Variants in CSNK1G2 observed in about 807,000 individuals in gnomAD.
CSNK1G2 encodes the protein casein kinase I isoform gamma-2.
A neutral mutation model predicts 48.0 loss-of-function variants in CSNK1G2; 11 were observed. The ratio of observed to expected loss-of-function variants is 0.23; its 90% confidence interval spans 0.14 to 0.38. The LOEUF is 0.38. CSNK1G2 is among the 10% of genes least tolerant of loss of function. The pLI, the probability that CSNK1G2 is intolerant of heterozygous loss-of-function variation, is 1.00. For synonymous variants in CSNK1G2, 337 were observed against 254.1 expected (o/e 1.33, Z -3.10); for missense variants, 446 against 595.5 (o/e 0.75, Z 2.61).
chr19:1,981,304 C>T lies in CSNK1G2; in HGVS notation c.*1101C>T, dbSNP rs1258632618. On this transcript the variant is annotated 3_prime_UTR_variant, in exon 12 of 12. Coordinates refer to ENST00000255641, the MANE Select transcript of CSNK1G2 (RefSeq NM_001319.7). ...CCCTTGAAGCCATAGAATTTAGGGG[C>T]TTTTTTAAAAAAATAAAAGAAAAAT... is the stretch of plus-strand genomic sequence containing the variant. The T allele has an allele frequency of 1.3e-5, 2 of 152,106 alleles. No homozygotes were observed. The highest frequency in any genetic ancestry group is 1.9e-4 in the East Asian group (1 of 5,196). 9.4% of individuals were successfully genotyped at this position (152,106 alleles called of 1,614,324 possible).
At chr19:1,955,670 C>A (rs935138454) in intron 1 of CSNK1G2, among the ~76,000 whole-genome samples, 1 of 152,164 alleles carries the variant, frequency 6.6e-6, no homozygotes, top group East Asian at 1.9e-4. Context: ...GAGGGGCTGT[C>A]GTGAGATGCT....
At chr19:1,959,839 C>T (rs35334382) in intron 1 of CSNK1G2, among the ~76,000 whole-genome samples, 13 of 146,468 alleles carry the variant, frequency 8.9e-5, no homozygotes, top group Non-Finnish European at 3.0e-5. Context: ...CCCTGAGTCC[C>T]CCAGCACCTG....
At chr19:1,947,196 C>A (rs1274602955) in intron 1 of CSNK1G2, among the ~76,000 whole-genome samples, 1 of 151,078 alleles carries the variant, frequency 6.6e-6, no homozygotes. Flanking sequence ...AACTTCCACC[C>A]TCCAGAGTGA....
intron 2 of CSNK1G2, among the ~76,000 whole-genome samples, chr19:1,971,633 T>G (rs889146411): frequency 2.4e-4 from 37 of 152,348 alleles, no homozygotes; most frequent in African/African-American, 8.7e-4. Context: ...CACAGCCCCG[T>G]GACCTGCAGC....
intron 1 of CSNK1G2, among the ~76,000 whole-genome samples, chr19:1,966,743 G>GC (rs1230537201): frequency 2.0e-5 from 3 of 152,120 alleles, no homozygotes; most frequent in African/African-American, 7.2e-5. Flanking sequence ...AGTTGCCCCA[G>GC]CCTCCAGCAG....
chr19:1,951,288 A>T (rs1386959987), intron 1 of CSNK1G2, among the ~76,000 whole-genome samples: 5 of 144,716 alleles, frequency 3.5e-5, no homozygotes, highest in African/African-American at 5.3e-5. Flanking sequence ...CTGTAGTCCC[A>T]GCTACTCGGG....
chr19:1,970,742 G>T (rs1001803131), intron 2 of CSNK1G2, among the ~76,000 whole-genome samples: 9 of 152,220 alleles, frequency 5.9e-5, no homozygotes, highest in African/African-American at 2.2e-4. Flanking sequence ...TTTGGCGTCT[G>T]TTGCTGGGGT....
At position 1,978,527 on chromosome 19, in the gene CSNK1G2, C is replaced by T. The variant is rs200595669; in HGVS notation, c.298+16C>T. On this transcript the variant is annotated intron_variant, in intron 4 of 11. Coordinates refer to ENST00000255641, the MANE Select transcript of CSNK1G2 (RefSeq NM_001319.7). This position sits in a 1 kb window ranked among gnomAD's most constrained non-coding sequence, Gnocchi z 7.3. Reference sequence around the variant, plus strand: ...AGCGCCACAGGTACCGGGCGGCCCGCGGGTGGGGCGGGGGCTGCGCAGGGG... The same window carrying T: ...AGCGCCACAGGTACCGGGCGGCCCGTGGGTGGGGCGGGGGCTGCGCAGGGG... 2.8e-4 allele frequency: 445 copies of T among 1,569,736 alleles called. 5 individuals carry two copies. In the East Asian group the frequency reaches 5.0e-3, roughly 18 times the overall value.
At position 1,980,123 on chromosome 19, in the gene CSNK1G2, C is replaced by T. The variant is rs747640737; in HGVS notation, c.1194-26C>T. ...TGCCCCCGCCCTGCACCCCGGTCCT[C>T]CTACCTGAGCCACTGCCCTCCTCAG... On this transcript the variant is annotated intron_variant, in intron 11 of 11. Coordinates refer to ENST00000255641, the MANE Select transcript of CSNK1G2 (RefSeq NM_001319.7). 9.9e-6 allele frequency: 16 copies of T among 1,612,634 alleles called. No homozygotes were observed. The East Asian group carries it at 2.9e-4, about 29-fold the overall frequency.
In CSNK1G2 at chr19:1,980,559, G is replaced by C. The variant is rs1002365800; in HGVS notation, c.*356G>C. 2 of 313,262 alleles carry C rather than the reference G, an allele frequency of 6.4e-6. No individual in the cohort carries two copies. The highest frequency in any genetic ancestry group is 4.9e-5 in the Admixed American group (1 of 20,266). 19.4% of individuals were successfully genotyped at this position (313,262 alleles called of 1,614,324 possible). A position where few individuals can be genotyped will look rare whatever the true frequency, so the allele number is the denominator to read the frequency against. ...AGTAGTGTGATCCTGGAGGCCCCCC[G>C]GCCTGGCCCCGCCCCGCCAGCCGCC... On this transcript the variant is annotated 3_prime_UTR_variant, in exon 12 of 12. Transcript: ENST00000255641.
At chr19:1,951,420 A>G (rs181680570) in intron 1 of CSNK1G2, among the ~76,000 whole-genome samples, 3 of 144,478 alleles carry the variant, frequency 2.1e-5, no homozygotes, top group Non-Finnish European at 4.5e-5. Flanking sequence ...AAATAAAAAA[A>G]ATCAAAGATG....
chr19:1,977,158 A>C (rs898444769), intron 2 of CSNK1G2, among the ~76,000 whole-genome samples: 1 of 152,238 alleles, frequency 6.6e-6, no homozygotes, highest in Non-Finnish European at 1.5e-5. Flanking sequence ...GTGCCCTGTC[A>C]TGCCGCGGGA....
chr19:1,970,343 G>A (rs980650756), intron 2 of CSNK1G2, among the ~76,000 whole-genome samples: 8 of 152,246 alleles, frequency 5.3e-5, no homozygotes, highest in Non-Finnish European at 8.8e-5. Context: ...GCTCGTGGGA[G>A]GTCTTGGCCA....
At chr19:1,975,419 C>T (rs540545040) in intron 2 of CSNK1G2, 5 of 985,484 alleles carry the variant, frequency 5.1e-6, no homozygotes, top group East Asian at 1.1e-4. Flanking sequence ...GCTACACAGC[C>T]GTGTTCGCCG....
At position 1,957,518 on chromosome 19, in the gene CSNK1G2, C is replaced by A. The variant is rs8103761; in HGVS notation, c.-265-11990C>A. ...TGTTAGGAGGGACAGTGAGCGCAGG[C>A]ACCTCTCTCTCCACTTCATGTTTGT... is the stretch of plus-strand genomic sequence containing the variant. On this transcript the variant is annotated intron_variant, in intron 1 of 11. Transcript: ENST00000255641. This position sits in a 1 kb window ranked among gnomAD's most constrained non-coding sequence, Gnocchi z 5.4. Among the ~76,000 whole-genome samples, 34,054 of 152,160 alleles carry A rather than the reference C, an allele frequency of 0.22. 4,247 individuals are homozygous for A. The highest frequency in any genetic ancestry group is 0.31 in the African/African-American group (12,977 of 41,498).
rs1327810109 is a variant in CSNK1G2 at position 1,979,265 on chromosome 19, G to A, written c.768+17G>A. On this transcript the variant is annotated intron_variant, in intron 7 of 11. Transcript: ENST00000255641. ...GGGCTCAAGGTGGGCGAGGAGGCCG[G>A]GCAGGCGGGCGGGGACGCAGGGCGG... The A allele has an allele frequency of 1.3e-6, 2 of 1,564,816 alleles. No individual in the cohort carries two copies. The highest frequency in any genetic ancestry group is 1.7e-6 in the Non-Finnish European group (2 of 1,155,646).
chr19:1,955,843 G>A (rs1420236218), intron 1 of CSNK1G2, among the ~76,000 whole-genome samples: 1 of 152,202 alleles, frequency 6.6e-6, no homozygotes, highest in Non-Finnish European at 1.5e-5. Context: ...TTTGCTCCCG[G>A]CCGGCCCTGA....
intron 1 of CSNK1G2, among the ~76,000 whole-genome samples, chr19:1,958,683 G>A (rs1181556571): frequency 2.1e-5 from 1 of 46,770 alleles, no homozygotes; most frequent in African/African-American, 1.0e-4. Context: ...ATCCAGGGCT[G>A]CAGCAGCTCA....
intron 1 of CSNK1G2, among the ~76,000 whole-genome samples, chr19:1,948,799 G>A (rs1397611050): frequency 6.6e-6 from 1 of 152,214 alleles, no homozygotes; most frequent in East Asian, 1.9e-4. Flanking sequence ...GCTGCCGACA[G>A]CCTGCTGGTG....
Sources: gnomAD v4.1 joint callset for allele counts (sites outside exome capture counted in the v4.1 genomes callset) on GRCh38, gnomAD v4.1.1 for gene constraint, Gnocchi (gnomAD v3.1) non-coding constraint, MANE v1.5 for transcripts, NCBI Gene and HGNC (gene_info 2026-07-23, HGNC 2026-07-21) for gene names.